CFTR: variants seen among roughly 807,000 people sequenced by gnomAD.
CFTR encodes CF transmembrane conductance regulator, also known as cystic fibrosis transmembrane conductance regulator.
A neutral mutation model predicts 171.6 loss-of-function variants in CFTR; 181 were observed. That is an observed-to-expected ratio of 1.05 (90% CI 0.93 to 1.19). The LOEUF is 1.19. Ranked by LOEUF, CFTR falls within the 50% of genes most tolerant of loss-of-function variation. The pLI is 0.00. For synonymous variants in CFTR, 583 were observed against 608.0 expected (o/e 0.96, Z 0.60); for missense variants, 1,968 against 1,734.7 (o/e 1.13, Z -2.39).
intron 5 of CFTR, 31 bp downstream of exon 5, chr7:117,534,396 A>C (rs758971927): frequency 8.6e-7 from 1 of 1,164,612 alleles, no homozygotes; most frequent in Non-Finnish European, 1.3e-6. Flanking sequence ...TCTTTTAGGC[A>C]CTATTGTTAT....
intron 6 of CFTR, 102 bp downstream of exon 6, chr7:117,535,513 C>G: frequency 1.3e-6 from 1 of 799,750 alleles, no homozygotes. Context: ...CAGTGATCTT[C>G]AGTGTCATTA....
At chr7:117,497,391 T>C (rs1326648933) in intron 1 of CFTR, among the ~76,000 whole-genome samples, 2 of 152,184 alleles carry the variant, frequency 1.3e-5, no homozygotes, top group Non-Finnish European at 1.5e-5. Flanking sequence ...GCAGTTGATA[T>C]GAAGAAGCAT....
intron 22 of CFTR, among the ~76,000 whole-genome samples, chr7:117,639,007 A>T (rs1416263287): frequency 6.6e-6 from 1 of 151,942 alleles, no homozygotes; most frequent in Non-Finnish European, 1.5e-5. Flanking sequence ...CTTGGGGGGG[A>T]AAAAAGCAGT....
At chr7:117,538,160 A>G (rs905333579) in intron 7 of CFTR, among the ~76,000 whole-genome samples, 5 of 152,174 alleles carry the variant, frequency 3.3e-5, no homozygotes, top group African/African-American at 1.2e-4. Context: ...TGACATAAAT[A>G]TGGGACAGCA....
intron 9 of CFTR, among the ~76,000 whole-genome samples, chr7:117,544,153 A>G (rs904355025): frequency 1.3e-5 from 2 of 152,080 alleles, no homozygotes; most frequent in African/African-American, 4.8e-5. Flanking sequence ...TGCACTCTCA[A>G]TTCCCTTTTC....
At chr7:117,631,413 A>G (rs1792744655) in intron 22 of CFTR, among the ~76,000 whole-genome samples, 1 of 152,146 alleles carries the variant, frequency 6.6e-6, no homozygotes, top group African/African-American at 2.4e-5. Context: ...GGCTTTTGGG[A>G]AGTCCCTAAA....
intron 11 of CFTR, among the ~76,000 whole-genome samples, chr7:117,587,049 G>A (rs1791946635): frequency 6.6e-6 from 1 of 152,106 alleles, no homozygotes; most frequent in Admixed American, 6.6e-5. Context: ...GGACTATTTT[G>A]CATAAATTCC....
rs1562898548 is a variant in CFTR, at chr7:117,559,654, A to C, written c.1583A>C (p.Glu528Ala). 1.4e-5 allele frequency: 22 copies of C among 1,611,070 alleles called. No individual in the cohort carries two copies. Among genetic ancestry groups the C allele is most frequent in the Non-Finnish European group, 1.8e-5 (21 of 1,177,748 alleles). Reference sequence around the variant, plus strand: ...GTCATCAAAGCATGCCAACTAGAAGAGGTAAGAAACTATGTGAAAACTTTT... The same window carrying C: ...GTCATCAAAGCATGCCAACTAGAAGCGGTAAGAAACTATGTGAAAACTTTT... ...RSVIKACQLE[E>A]DISKFAEKDN... Residue 528 changes from glutamate to alanine, a missense_variant and splice_region_variant, in exon 11 of 27, where the codon GAG becomes GCG. Glu to Ala is a moderately radical substitution (Grantham distance 107). Coordinates refer to ENST00000003084, the MANE Select transcript of CFTR (RefSeq NM_000492.4).
intron 21 of CFTR, among the ~76,000 whole-genome samples, chr7:117,617,633 C>T (rs7797932): frequency 0.11 from 16,317 of 151,762 alleles, 1,074 homozygotes; most frequent in East Asian, 0.31. Context: ...TCTCATTTCT[C>T]TCCACCAGTT....
chr7:117,562,652 G>A (rs1791532996), intron 11 of CFTR, among the ~76,000 whole-genome samples: 1 of 152,098 alleles, frequency 6.6e-6, no homozygotes. Flanking sequence ...GGTATGAAAT[G>A]ACAACTTTAT....
intron 23 of CFTR, among the ~76,000 whole-genome samples, chr7:117,650,807 T>A (rs571688676): frequency 2.0e-5 from 3 of 152,170 alleles, no homozygotes; most frequent in Non-Finnish European, 4.4e-5. Context: ...TGCTGAGTAC[T>A]GATGGGCTCT....
intron 9 of CFTR, among the ~76,000 whole-genome samples, chr7:117,548,383 T>C (rs1255502034): frequency 1.3e-5 from 2 of 150,088 alleles, no homozygotes; most frequent in African/African-American, 2.5e-5. Flanking sequence ...TGTATACATG[T>C]ATGTATTCAG....
At chr7:117,658,167 TC>T (rs1356813406) in intron 24 of CFTR, among the ~76,000 whole-genome samples, 1 of 152,004 alleles carries the variant, frequency 6.6e-6, no homozygotes, top group African/African-American at 2.4e-5. Context: ...ACAGCTTCTC[TC>T]CAAGATTGGT....
At chr7:117,571,972 AGT>A (rs1276454090) in intron 11 of CFTR, among the ~76,000 whole-genome samples, 1 of 140,328 alleles carries the variant, frequency 7.1e-6, no homozygotes, top group Non-Finnish European at 1.6e-5. Context: ...AGTTCCTATC[AGT>A]GAAGGAAAAA....
intron 11 of CFTR, among the ~76,000 whole-genome samples, chr7:117,573,191 TAATGTAAGC>T (rs1245742398): frequency 1.3e-5 from 2 of 152,134 alleles, no homozygotes; most frequent in African/African-American, 4.8e-5. Flanking sequence ...TCCAGTTGAA[TAATGTAAGC>T]ACTTAAAAAA....
intron 22 of CFTR, among the ~76,000 whole-genome samples, chr7:117,633,632 T>C (rs1792784185): frequency 6.6e-6 from 1 of 151,930 alleles, no homozygotes; most frequent in African/African-American, 2.4e-5. Context: ...AGCTGGAGGG[T>C]TTTTGTAGAA....
chr7:117,484,922 G>A (rs927812605), intron 1 of CFTR, among the ~76,000 whole-genome samples: 2 of 152,054 alleles, frequency 1.3e-5, no homozygotes, highest in African/African-American at 4.8e-5. Flanking sequence ...AAAGAGAGAA[G>A]TGGAATCTAT....
chr7:117,533,349 AGAT>A (rs1298624811), intron 4 of CFTR, among the ~76,000 whole-genome samples: 1 of 152,130 alleles, frequency 6.6e-6, no homozygotes, highest in African/African-American at 2.4e-5. Context: ...AAATCCTTCC[AGAT>A]GATTTTTCTA....
chr7:117,491,830 G>A (rs1335835449), intron 1 of CFTR, among the ~76,000 whole-genome samples: 2 of 151,878 alleles, frequency 1.3e-5, no homozygotes, highest in Non-Finnish European at 2.9e-5. Context: ...CCTTTTTTTG[G>A]GGAAACACAA....
Sources: allele counts gnomAD v4.1 joint callset (sites outside exome capture counted in the v4.1 genomes callset), GRCh38; gene constraint gnomAD v4.1.1; transcripts MANE v1.5; gene names NCBI Gene and HGNC (gene_info 2026-07-23, HGNC 2026-07-21).